The following AGBL1 variants were observed in gnomAD, a reference collection of about 807,000 sequenced individuals.
The protein encoded by AGBL1 is AGBL carboxypeptidase 1, also known as cytosolic carboxypeptidase 4.
A neutral mutation model predicts 118.9 loss-of-function variants in AGBL1; 130 were observed. That is an observed-to-expected ratio of 1.09 (90% CI 0.95 to 1.26). The LOEUF is 1.26. Among genes scored for constraint, AGBL1 ranks in the 50% most tolerant of loss-of-function variants. AGBL1 has a pLI of 0.00. For synonymous variants in AGBL1, 555 were observed against 478.9 expected (o/e 1.16, Z -2.08); for missense variants, 1,584 against 1,298.1 (o/e 1.22, Z -3.38).
intron 6 of AGBL1, among the ~76,000 whole-genome samples, chr15:86,246,229 G>A (rs186468899): frequency 2.0e-4 from 30 of 152,292 alleles, no homozygotes; most frequent in Non-Finnish European, 3.1e-4. Flanking sequence ...TTCAAGAGTG[G>A]CTGTAAGCCA....
chr15:86,876,471 C>G (rs1040630680), intron 22 of AGBL1, among the ~76,000 whole-genome samples: 1 of 152,138 alleles, frequency 6.6e-6, no homozygotes, highest in Non-Finnish European at 1.5e-5. Context: ...AGAAAACTGA[C>G]TCCTCAGGAA....
rs946206072 is a variant in AGBL1 at position 86,613,994 on chromosome 15, G to A, written c.2994+59457G>A. On this transcript the variant is annotated intron_variant, in intron 21 of 22. Coordinates refer to ENST00000614907, the MANE Select transcript of AGBL1 (RefSeq NM_001386094.1). The surrounding 1 kb of genome is among the most constrained non-coding windows in gnomAD (Gnocchi z 4.2). ...TAATGTGCTGCTGCAAACTTTGTACGGTAAGGGAAGAAACTTATCCCGCTG... is the reference window on the plus strand; with the variant it reads ...TAATGTGCTGCTGCAAACTTTGTACAGTAAGGGAAGAAACTTATCCCGCTG... 3.9e-5 allele frequency among the ~76,000 whole-genome samples: 6 copies of A among 152,088 alleles called. No individual in the cohort carries two copies. Among genetic ancestry groups the A allele is most frequent in the South Asian group, 4.1e-4 (2 of 4,824 alleles).
intron 24 of AGBL1, among the ~76,000 whole-genome samples, chr15:86,991,364 G>A (rs113108856): frequency 2.1e-4 from 1 of 4,748 alleles, no homozygotes; most frequent in African/African-American, 2.9e-4. Flanking sequence ...CTGCTTACAC[G>A]TTTGCCCATT....
chr15:86,758,548 C>A (rs1442086772), intron 22 of AGBL1, among the ~76,000 whole-genome samples: 2 of 152,070 alleles, frequency 1.3e-5, no homozygotes, highest in Non-Finnish European at 2.9e-5. Context: ...GTCTAAGTAA[C>A]TGGGACTTAG....
Position 86,397,525 on chromosome 15 carries a change from C to G in AGBL1, c.2534C>G (p.Pro845Arg). The G allele has an allele frequency of 6.2e-7, 1 of 1,610,280 alleles. No individual in the cohort carries two copies. The highest frequency in any genetic ancestry group is 8.5e-7 in the Non-Finnish European group (1 of 1,178,252). The stretch of plus-strand genomic sequence containing the variant: ...TTCAAGATCATACCCATGCTCAACC[C>G]AGATGGTGTCATCAACGGCAAGTAT... ...FIFKIIPMLN[P>R]DGVINGNHRC... is the part of the protein sequence containing the mutation. Residue 845 changes from proline (P) to arginine (R), a missense_variant, in exon 18 of 23, where the codon CCA becomes CGA. Physicochemically the swap from Pro to Arg is moderately radical, Grantham distance 103. Transcript: ENST00000614907.
In AGBL1 at chr15:86,613,280, T is replaced by C. The variant is rs568837582; in HGVS notation, c.2994+58743T>C. 2.8e-4 allele frequency among the ~76,000 whole-genome samples: 43 copies of C among 152,242 alleles called. No homozygotes were observed. The highest frequency in any genetic ancestry group is 3.4e-3 in the Middle Eastern group (1 of 294). On this transcript the variant is annotated intron_variant, in intron 21 of 22. Coordinates refer to ENST00000614907, the MANE Select transcript of AGBL1 (RefSeq NM_001386094.1). This position sits in a 1 kb window ranked among gnomAD's most constrained non-coding sequence, Gnocchi z 4.2. ...TTTTGGAACGTAAGATCCCAAACCA[T>C]TGGAGAACTGCAGCATGGTGAAGGC... is the stretch of plus-strand genomic sequence containing the variant.
At chr15:86,751,590 A>T (rs186999546) in intron 22 of AGBL1, among the ~76,000 whole-genome samples, 1 of 152,122 alleles carries the variant, frequency 6.6e-6, no homozygotes, top group Non-Finnish European at 1.5e-5. Context: ...AGCATTTTAT[A>T]TATTGTTAGA....
chr15:86,340,157 T>C (rs533606772), intron 17 of AGBL1, among the ~76,000 whole-genome samples: 37 of 152,112 alleles, frequency 2.4e-4, no homozygotes, highest in Non-Finnish European at 4.0e-4. Context: ...ATTTTCCTGT[T>C]TTTTATTTTT....
intron 22 of AGBL1, among the ~76,000 whole-genome samples, chr15:86,803,930 C>T (rs1193539588): frequency 3.9e-5 from 6 of 152,036 alleles, no homozygotes; most frequent in Non-Finnish European, 7.4e-5. Context: ...TTACTTGGCT[C>T]ATTGTATCAG....
At chr15:86,463,210 G>A (rs948561490) in intron 18 of AGBL1, among the ~76,000 whole-genome samples, 1 of 151,430 alleles carries the variant, frequency 6.6e-6, no homozygotes, top group African/African-American at 2.4e-5. Flanking sequence ...CATTTTTTAT[G>A]TGCTTTTTTG....
At chr15:86,838,655 A>G (rs1187364942) in intron 22 of AGBL1, among the ~76,000 whole-genome samples, 1 of 152,102 alleles carries the variant, frequency 6.6e-6, no homozygotes, top group Non-Finnish European at 1.5e-5. Flanking sequence ...ATGAGAATAC[A>G]GCAGCCAGGC....
intron 22 of AGBL1, among the ~76,000 whole-genome samples, chr15:86,698,777 C>T (rs1277770607): frequency 6.6e-6 from 1 of 151,766 alleles, no homozygotes; most frequent in African/African-American, 2.4e-5. Flanking sequence ...GGTTCTGGAA[C>T]AAGACGTGAA....
chr15:86,731,949 G>A (rs1869184), intron 22 of AGBL1, among the ~76,000 whole-genome samples: 58,492 of 152,042 alleles, frequency 0.38, 11,523 homozygotes, highest in South Asian at 0.51. Context: ...ATTTACTCAC[G>A]TGGCATTCCT....
chr15:86,713,556 A>G (rs917750504), intron 22 of AGBL1, among the ~76,000 whole-genome samples: 5 of 152,168 alleles, frequency 3.3e-5, no homozygotes, highest in Non-Finnish European at 5.9e-5. Context: ...ATTAAAGTAT[A>G]TTTTGAATAA....
intron 17 of AGBL1, among the ~76,000 whole-genome samples, chr15:86,309,352 CAG>C (rs1417148867): frequency 6.6e-6 from 1 of 152,130 alleles, no homozygotes; most frequent in African/African-American, 2.4e-5. Context: ...CATCTACAAA[CAG>C]AAAAATTTTT....
At chr15:87,024,144 TA>T (rs1408485044) in intron 24 of AGBL1, among the ~76,000 whole-genome samples, 1 of 151,784 alleles carries the variant, frequency 6.6e-6, no homozygotes, top group Non-Finnish European at 1.5e-5. Flanking sequence ...AGAGCAGAAC[TA>T]AATGAAACTG....
At chr15:86,485,581 C>A (rs1366398168) in intron 18 of AGBL1, among the ~76,000 whole-genome samples, 1 of 152,034 alleles carries the variant, frequency 6.6e-6, no homozygotes, top group Non-Finnish European at 1.5e-5. Flanking sequence ...TATTTATGTA[C>A]ACTGAATTTT....
intron 21 of AGBL1, among the ~76,000 whole-genome samples, chr15:86,598,351 G>A (rs1277188497): frequency 2.0e-5 from 3 of 152,058 alleles, no homozygotes; most frequent in Non-Finnish European, 2.9e-5. Flanking sequence ...ACCCAAGAAC[G>A]CCAATTGCCA....
intron 18 of AGBL1, among the ~76,000 whole-genome samples, chr15:86,418,443 A>G (rs1479153110): frequency 6.6e-6 from 1 of 152,210 alleles, no homozygotes; most frequent in Non-Finnish European, 1.5e-5. Context: ...CAGCTGGAAC[A>G]ATTCCCAAAA....
Sources: allele counts gnomAD v4.1 joint callset (sites outside exome capture counted in the v4.1 genomes callset), GRCh38; gene constraint gnomAD v4.1.1; non-coding constraint Gnocchi (gnomAD v3.1); transcripts MANE v1.5; gene names NCBI Gene and HGNC (gene_info 2026-07-23, HGNC 2026-07-21).